The following SYBU variants were observed in gnomAD, a reference collection of about 807,000 sequenced individuals.
SYBU encodes syntabulin.
A neutral mutation model predicts 35.9 loss-of-function variants in SYBU; 21 were observed. The observed-to-expected ratio is 0.58, with a 90% CI of 0.41 to 0.84. The LOEUF is 0.84. Among genes scored for constraint, SYBU ranks in the 40% least tolerant of loss-of-function variants. The pLI, the probability that SYBU is intolerant of heterozygous loss-of-function variation, is 0.00. For missense variants in SYBU, 768 were observed against 848.2 expected (o/e 0.91, Z 1.17); for synonymous variants, 319 against 324.3 (o/e 0.98, Z 0.18).
At chr8:109,614,506 C>T (rs1811518936) in intron 3 of SYBU, among the ~76,000 whole-genome samples, 1 of 152,232 alleles carries the variant, frequency 6.6e-6, no homozygotes, top group African/African-American at 2.4e-5. Context: ...ACTTATCATA[C>T]AGTATTCTGC....
chr8:109,642,441 T>C (rs1357672626), intron 2 of SYBU, among the ~76,000 whole-genome samples: 3 of 152,154 alleles, frequency 2.0e-5, no homozygotes, highest in Admixed American at 6.5e-5. Flanking sequence ...AATTAAAGTA[T>C]AATAAAACAA....
chr8:109,652,449 G>A (rs750042688), intron 1 of SYBU, among the ~76,000 whole-genome samples: 4 of 151,712 alleles, frequency 2.6e-5, no homozygotes, highest in Non-Finnish European at 5.9e-5. Flanking sequence ...AAGGATTGAT[G>A]CGGAGGAAAA....
chr8:109,676,417 C>T (rs1407466666), intron 1 of SYBU, among the ~76,000 whole-genome samples: 1 of 152,182 alleles, frequency 6.6e-6, no homozygotes, highest in African/African-American at 2.4e-5. Flanking sequence ...TCTCCTTAAG[C>T]TGATAAGCAA....
chr8:109,637,923 A>C (rs1158394608), intron 2 of SYBU, among the ~76,000 whole-genome samples: 6 of 152,178 alleles, frequency 3.9e-5, no homozygotes, highest in Admixed American at 2.6e-4. Context: ...ATAACAAAAT[A>C]CTTTCTGCAA....
intron 3 of SYBU, among the ~76,000 whole-genome samples, chr8:109,609,570 C>T (rs554197462): frequency 1.1e-4 from 16 of 152,312 alleles, no homozygotes; most frequent in African/African-American, 3.8e-4. Context: ...CTGTCCCATG[C>T]TATCCAGTGA....
intron 3 of SYBU, among the ~76,000 whole-genome samples, chr8:109,611,316 T>C (rs1375580931): frequency 6.6e-6 from 1 of 152,200 alleles, no homozygotes; most frequent in Non-Finnish European, 1.5e-5. Flanking sequence ...AAGAGGATTA[T>C]AATTCACTAA....
At chr8:109,674,921 A>G (rs1482312402) in intron 1 of SYBU, among the ~76,000 whole-genome samples, 1 of 152,210 alleles carries the variant, frequency 6.6e-6, no homozygotes, top group African/African-American at 2.4e-5. Flanking sequence ...AATGCAAAAT[A>G]ACTGAAATCA....
chr8:109,628,777 G>A (rs192010663), intron 2 of SYBU, among the ~76,000 whole-genome samples: 11 of 151,920 alleles, frequency 7.2e-5, no homozygotes, highest in Non-Finnish European at 1.5e-4. Flanking sequence ...AGCTGAGGTC[G>A]TGCCACTGCA....
intron 3 of SYBU, chr8:109,607,902 A>G (rs1209335941): frequency 6.9e-7 from 1 of 1,449,976 alleles, no homozygotes; most frequent in Non-Finnish European, 9.4e-7. Context: ...TGTGACTAAT[A>G]CTACTTACTT....
In SYBU at chr8:109,575,408, G is replaced by GGGC. The variant is rs1231707222; in HGVS notation, c.1487_1489dup (p.Ser496_Pro497insArg). 1 of 1,614,106 alleles carries GGGC rather than the reference G, an allele frequency of 6.2e-7. No individual in the cohort carries two copies. The highest frequency in any genetic ancestry group is 1.1e-5 in the South Asian group (1 of 91,080). ...ACTCTGAATGAGCTCTGAGATGGCT[G>GGGC]GGCTGTAGGGCACCACGTCGGTCTG... On this transcript the variant is annotated inframe_insertion, in exon 7 of 7. Transcript: ENST00000276646.
upstream of SYBU, chr8:109,644,948 C>T (rs1193178951): frequency 5.7e-6 from 3 of 530,514 alleles, no homozygotes; most frequent in African/African-American, 3.9e-5. Flanking sequence ...TCGACCGCGC[C>T]TGGGCGCGCC....
intron 2 of SYBU, among the ~76,000 whole-genome samples, chr8:109,630,632 G>A (rs1476642838): frequency 1.3e-5 from 2 of 152,208 alleles, no homozygotes; most frequent in East Asian, 3.8e-4. Context: ...AATGCCTTCT[G>A]AGTTCTTTTC....
At position 109,644,062 on chromosome 8, in the gene SYBU, A is replaced by G. The variant is rs140812302; in HGVS notation, c.24+574T>C. On this transcript the variant is annotated intron_variant, in intron 1 of 6. Coordinates refer to ENST00000276646, the MANE Select transcript of SYBU (RefSeq NM_001099754.2). ...TTCCACCGGCTTACCAGGAAGGGTC[A>G]CGGCCAAAATAAACACCTCTGGGAG... The G allele has an allele frequency of 2.5e-3, 1,162 of 456,596 alleles. 11 individuals carry two copies. The highest frequency in any genetic ancestry group is 0.021 in the African/African-American group (1,047 of 50,210). The allele number at this position is 456,596 out of a possible 1,614,324, so 28.3% of individuals were successfully genotyped here.
At chr8:109,683,550 G>A (rs1817453404), upstream of SYBU, among the ~76,000 whole-genome samples, 2 of 152,124 alleles carry the variant, frequency 1.3e-5, no homozygotes. Context: ...TAGGCAGAAG[G>A]GACTTGCTTT....
chr8:109,655,947 T>G, intron 1 of SYBU, among the ~76,000 whole-genome samples: 1 of 152,126 alleles, frequency 6.6e-6, no homozygotes, highest in South Asian at 2.1e-4. Flanking sequence ...AAACCCCATC[T>G]CTACTAAAAA....
intron 2 of SYBU, among the ~76,000 whole-genome samples, chr8:109,621,337 G>A (rs1812377428): frequency 6.6e-6 from 1 of 152,246 alleles, no homozygotes; most frequent in African/African-American, 2.4e-5. Context: ...AGTGGTGGCA[G>A]TGTGTAAGAG....
Position 109,574,308 on chromosome 8 carries a change from TA to T in SYBU, c.*597del, listed in dbSNP as rs1330163176. 6.6e-6 allele frequency: 1 copy of T among 152,670 alleles called. No homozygotes were observed. The highest frequency in any genetic ancestry group is 1.5e-5 in the Non-Finnish European group (1 of 68,044). 9.5% of individuals were successfully genotyped at this position (152,670 alleles called of 1,614,324 possible). ...ATAAGCAAAATAAGTTAGTACATTG[TA>T]AACTTATGCACAGTTTCATCAATTA... is the stretch of plus-strand genomic sequence containing the variant. On this transcript the variant is annotated 3_prime_UTR_variant, in exon 7 of 7. Transcript: ENST00000276646.
intron 1 of SYBU, among the ~76,000 whole-genome samples, chr8:109,660,541 A>G (rs1349124426): frequency 2.0e-5 from 3 of 152,182 alleles, no homozygotes; most frequent in Admixed American, 6.5e-5. Context: ...CCAGATTACT[A>G]TCTATCCAAA....
chr8:109,617,070 A>G (rs1811885053), intron 3 of SYBU, among the ~76,000 whole-genome samples: 2 of 152,026 alleles, frequency 1.3e-5, no homozygotes, highest in South Asian at 4.1e-4. Context: ...TTGGAGGTGG[A>G]GGTTGCAGTG....
Sources: allele counts gnomAD v4.1 joint callset (sites outside exome capture counted in the v4.1 genomes callset), GRCh38; gene constraint gnomAD v4.1.1; transcripts MANE v1.5; gene names NCBI Gene and HGNC (gene_info 2026-07-23, HGNC 2026-07-21).